TRAPPC3: variants seen among roughly 807,000 people sequenced by gnomAD.
The protein encoded by TRAPPC3 is trafficking protein particle complex 3.
TRAPPC3 carries 5 observed loss-of-function variants against 18.2 expected under a neutral mutation model. The ratio of observed to expected loss-of-function variants is 0.28; its 90% CI spans 0.14 to 0.58. The LOEUF (loss-of-function observed/expected upper bound fraction) is 0.58, where lower values mean the gene tolerates loss of function less well. TRAPPC3 is among the 20% of genes least tolerant of loss of function. The probability of loss-of-function intolerance (pLI) is 0.91; values close to 1 mark genes in which losing one functional copy is unlikely to be tolerated. For missense variants in TRAPPC3, 176 were observed against 225.9 expected (o/e 0.78, Z 1.41); for synonymous variants, 65 against 84.2 (o/e 0.77, Z 1.25).
rs145014012 is a variant in TRAPPC3 at position 36,138,126 on chromosome 1, A to G, written c.241-148T>C. 720 of 1,556,278 alleles carry G rather than the reference A, an allele frequency of 4.6e-4. 6 individuals carry two copies. The African/African-American group carries it at 8.2e-3, about 18-fold the overall frequency. ...TGACACTTCAGATACTCAGGACAAC[A>G]AAGGAGAAGCATCTGTACATGATGC... On this transcript the variant is annotated intron_variant, in intron 3 of 4. Transcript: ENST00000373166.
At chr1:36,154,047 C>T (rs1182965933), upstream of TRAPPC3, among the ~76,000 whole-genome samples, 1 of 152,162 alleles carries the variant, frequency 6.6e-6, no homozygotes, top group African/African-American at 2.4e-5. Flanking sequence ...TTCTGTTGCT[C>T]AGGCTGAAGT....
intron 3 of TRAPPC3, chr1:36,139,310 A>G (rs1431504941): frequency 6.0e-6 from 1 of 165,654 alleles, no homozygotes; most frequent in Non-Finnish European, 1.3e-5. Context: ...GGTGCCCGCC[A>G]CCACGCCCAG....
upstream of TRAPPC3, chr1:36,149,559 G>A (rs1644252328): frequency 1.4e-6 from 1 of 706,112 alleles, no homozygotes. Context: ...GGCAACTCCC[G>A]CCCAACAAAC....
upstream of TRAPPC3, among the ~76,000 whole-genome samples, chr1:36,152,349 C>T (rs538525990): frequency 8.6e-5 from 13 of 150,922 alleles, no homozygotes; most frequent in African/African-American, 3.2e-4. Context: ...GCTCCGTCGC[C>T]CAGGCTGGAG....
upstream of TRAPPC3, among the ~76,000 whole-genome samples, chr1:36,153,109 C>T (rs904185321): frequency 2.0e-5 from 3 of 152,224 alleles, no homozygotes; most frequent in Admixed American, 1.3e-4. Context: ...AGGTCCCTGT[C>T]GCTCGCCAAA....
Position 36,142,133 on chromosome 1 carries a change from GA to G in TRAPPC3, c.43-1968del, listed in dbSNP as rs944720244. On this transcript the variant is annotated intron_variant, in intron 1 of 4. Transcript: ENST00000373166. ...CTCCTCAATAAAAACAAAAACAGAA[GA>G]AAAAAAATACCCAAAAAACTTAGCT... Among the ~76,000 whole-genome samples, 16 of 151,770 alleles carry G rather than the reference GA, an allele frequency of 1.1e-4. 1 individual carries two copies. The highest frequency in any genetic ancestry group is 3.6e-4 in the African/African-American group (15 of 41,406).
At chr1:36,145,936 GCTAA>G (rs1330243007) in intron 1 of TRAPPC3, among the ~76,000 whole-genome samples, 6 of 151,534 alleles carry the variant, frequency 4.0e-5, no homozygotes. Context: ...ACCACGCCCG[GCTAA>G]CTTTTTTTTT....
chr1:36,153,360 T>C (rs1293045484), upstream of TRAPPC3, among the ~76,000 whole-genome samples: 1 of 152,150 alleles, frequency 6.6e-6, no homozygotes, highest in Non-Finnish European at 1.5e-5. Context: ...ACTGCCTCAA[T>C]CACGGAACAC....
In TRAPPC3 at chr1:36,154,589, ATGAC is replaced by A. The variant is rs575958256; in HGVS notation, c.-97+1290_-97+1293del. ...GCAGTCCCCCCACCCTGCAGATAAG[ATGAC>A]TGACACAAAGATGGGGGATCTGCTC... On this transcript the variant is annotated intron_variant, in intron 1 of 4. Transcript: ENST00000617904. Among the ~76,000 whole-genome samples the A allele has an allele frequency of 3.3e-3, 504 of 152,218 alleles. 3 individuals carry two copies. The highest frequency in any genetic ancestry group is 0.012 in the African/African-American group (481 of 41,544).
rs1481546919 is a variant in TRAPPC3 at position 36,149,196 on chromosome 1, G to A, written c.42+141C>T. On this transcript the variant is annotated intron_variant, in intron 1 of 4. Transcript: ENST00000373166. The stretch of plus-strand genomic sequence containing the variant: ...CCCCTCACCTGCCTGGAACGCCCCC[G>A]GAGTGACCCAGCAAGAGGCTTCCCC... The A allele has an allele frequency of 3.3e-6, 5 of 1,496,096 alleles. No homozygotes were observed. In the South Asian group the frequency reaches 3.8e-5, roughly 12 times the overall value. 92.7% of individuals were successfully genotyped at this position (1,496,096 alleles called of 1,614,324 possible). A position where few individuals can be genotyped will look rare whatever the true frequency, so the allele number is the denominator to read the frequency against.
intron 1 of TRAPPC3, among the ~76,000 whole-genome samples, chr1:36,148,252 G>T (rs1057191143): frequency 6.6e-6 from 1 of 152,184 alleles, no homozygotes; most frequent in African/African-American, 2.4e-5. Flanking sequence ...TTAAGGCCAC[G>T]AGTTCGAGAC....
In TRAPPC3 at chr1:36,137,003, T is replaced by A. The variant is rs1257392859; in HGVS notation, c.*200A>T. ...CTCTCAAGGGAATGGGGGCAGAGAC[T>A]GTCGCTCCTGAATGTGCACACATGG... On this transcript the variant is annotated 3_prime_UTR_variant, in exon 5 of 5. Coordinates refer to ENST00000373166, the MANE Select transcript of TRAPPC3 (RefSeq NM_014408.5). 1 of 499,504 alleles carries A rather than the reference T, an allele frequency of 2.0e-6. No homozygotes were observed. Among genetic ancestry groups the A allele is most frequent in the African/African-American group, 1.9e-5 (1 of 51,946 alleles). 30.9% of individuals were successfully genotyped at this position (499,504 alleles called of 1,614,324 possible). A position where few individuals can be genotyped will look rare whatever the true frequency, so the allele number is the denominator to read the frequency against.
At chr1:36,153,208 G>C (rs1387585511), upstream of TRAPPC3, among the ~76,000 whole-genome samples, 1 of 152,138 alleles carries the variant, frequency 6.6e-6, no homozygotes, top group Non-Finnish European at 1.5e-5. Flanking sequence ...ATGTCTATTT[G>C]TGGTGCCCCA....
intron 1 of TRAPPC3, among the ~76,000 whole-genome samples, chr1:36,145,025 T>C (rs1644171302): frequency 6.6e-6 from 1 of 151,862 alleles, no homozygotes. Context: ...CTGATCTTTT[T>C]TTTCTTTTTT....
chr1:36,143,100 T>C (rs1356114301), intron 1 of TRAPPC3, among the ~76,000 whole-genome samples: 1 of 152,018 alleles, frequency 6.6e-6, no homozygotes, highest in Non-Finnish European at 1.5e-5. Flanking sequence ...TGAAAACAAA[T>C]CACTGATTCA....
At chr1:36,138,909 G>A (rs1644064468) in intron 3 of TRAPPC3, among the ~76,000 whole-genome samples, 1 of 151,666 alleles carries the variant, frequency 6.6e-6, no homozygotes, top group Non-Finnish European at 1.5e-5. Flanking sequence ...GGTGGTGCAT[G>A]CCTGTAATCG....
chr1:36,151,657 G>A (rs1644272535), upstream of TRAPPC3, among the ~76,000 whole-genome samples: 1 of 152,078 alleles, frequency 6.6e-6, no homozygotes, highest in Non-Finnish European at 1.5e-5. Flanking sequence ...GCTGTTCCAA[G>A]GATTCTCAGT....
rs972516878 is a variant in TRAPPC3, at chr1:36,139,650, T to C, written c.240+70A>G. On this transcript the variant is annotated intron_variant, in intron 3 of 4. Coordinates refer to ENST00000373166, the MANE Select transcript of TRAPPC3 (RefSeq NM_014408.5). ...AGATTAAAGGCCTCTCTAAGGGAGA[T>C]AGAAAGAGTGGTAAGCAGTGCCTCT... 1.2e-4 allele frequency: 196 copies of C among 1,595,242 alleles called. 2 individuals are homozygous for C. Among genetic ancestry groups the C allele is most frequent in the Middle Eastern group, 6.6e-4 (4 of 6,050 alleles).
At chr1:36,139,053 G>GAAAAAAAA (rs78929496) in intron 3 of TRAPPC3, among the ~76,000 whole-genome samples, 1 of 77,628 alleles carries the variant, frequency 1.3e-5, no homozygotes, top group Admixed American at 1.2e-4. Context: ...AAGAAAAAAA[G>GAAAAAAAA]AAAAAAAAAA....
Sources: gnomAD v4.1 joint callset for allele counts (sites outside exome capture counted in the v4.1 genomes callset) on GRCh38, gnomAD v4.1.1 for gene constraint, MANE v1.5 for transcripts, NCBI Gene and HGNC (gene_info 2026-07-23, HGNC 2026-07-21) for gene names.